Variants in FBXW4 observed in about 807,000 individuals in gnomAD.
The protein encoded by FBXW4 is F-box and WD repeat domain containing 4, also known as F-box/WD repeat-containing protein 4.
A neutral mutation model predicts 61.8 loss-of-function variants in FBXW4; 40 were observed. That is an observed-to-expected ratio of 0.65 (90% CI 0.50 to 0.84). The LOEUF (loss-of-function observed/expected upper bound fraction) is 0.84. Ranked by LOEUF, FBXW4 falls within the 40% of genes least tolerant of loss-of-function variation. The pLI, the probability that FBXW4 is intolerant of heterozygous loss-of-function variation, is 0.00. For missense variants in FBXW4, 672 were observed against 753.8 expected, an observed-to-expected ratio of 0.89 and a Z score of 1.27; for synonymous variants, 311 against 313.8, an observed-to-expected ratio of 0.99 and a Z score of 0.10.
intron 6 of FBXW4, among the ~76,000 whole-genome samples, chr10:101,617,995 C>T (rs1216412625): frequency 6.6e-6 from 1 of 152,228 alleles, no homozygotes; most frequent in African/African-American, 2.4e-5. Flanking sequence ...GGGCCAGGCC[C>T]CTGCACAAGG....
At chr10:101,630,233 C>T (rs184484399) in intron 5 of FBXW4, among the ~76,000 whole-genome samples, 4 of 152,288 alleles carry the variant, frequency 2.6e-5, no homozygotes, top group Admixed American at 2.0e-4. Context: ...TTATCTGAGC[C>T]TTATTACTCT....
At chr10:101,638,947 T>C (rs960036924) in intron 5 of FBXW4, among the ~76,000 whole-genome samples, 1 of 152,204 alleles carries the variant, frequency 6.6e-6, no homozygotes, top group Non-Finnish European at 1.5e-5. Flanking sequence ...TTATACACAG[T>C]AGGACTACAG....
chr10:101,667,744 T>G, intron 5 of FBXW4, 142 bp downstream of exon 5: 1 of 714,282 alleles, frequency 1.4e-6, no homozygotes, highest in South Asian at 1.7e-5. Context: ...AACTCAAATC[T>G]CTGGAGGATT....
intron 5 of FBXW4, chr10:101,660,066 G>A (rs190885586): frequency 1.0e-6 from 1 of 985,072 alleles, no homozygotes; most frequent in Non-Finnish European, 1.2e-6. Context: ...CCTGCCCCAT[G>A]GCCCAAAGGA....
Position 101,611,730 on chromosome 10 carries a change from G to A in FBXW4, c.1482C>T (p.Thr494=). ...TGCCATCTGTCTGCAGGCAGTACAG[G>A]GTGCTGTCGTGGGGCTCCTCCCACT... ...VMEWEEPHDS[T]LYCLQTDGNH... Residue 494 remains threonine (T), a synonymous_variant, in exon 8 of 9, where the codon ACC becomes ACT. Coordinates refer to ENST00000331272, the MANE Select transcript of FBXW4 (RefSeq NM_022039.4). The surrounding 1 kb of genome is among the most constrained non-coding windows in gnomAD (Gnocchi z 4.9). The A allele has an allele frequency of 6.2e-7, 1 of 1,614,148 alleles. No homozygotes were observed. The highest frequency in any genetic ancestry group is 8.5e-7 in the Non-Finnish European group (1 of 1,180,006).
chr10:101,644,236 A>G (rs1425996133), intron 5 of FBXW4, among the ~76,000 whole-genome samples: 1 of 152,160 alleles, frequency 6.6e-6, no homozygotes, highest in African/African-American at 2.4e-5. Context: ...TGCTCTGTGC[A>G]AGCCAAACAA....
intron 1 of FBXW4, among the ~76,000 whole-genome samples, chr10:101,689,570 C>T (rs992997581): frequency 2.6e-5 from 4 of 152,190 alleles, no homozygotes; most frequent in African/African-American, 9.7e-5. Context: ...AAGTGACTGT[C>T]CTCCCTGGGT....
At chr10:101,616,903 A>G (rs948030628) in intron 6 of FBXW4, among the ~76,000 whole-genome samples, 1 of 152,270 alleles carries the variant, frequency 6.6e-6, no homozygotes, top group South Asian at 2.1e-4. Flanking sequence ...AATGTCGTAT[A>G]GCAAGGAAAG....
chr10:101,638,429 T>C (rs1316626952), intron 5 of FBXW4, among the ~76,000 whole-genome samples: 1 of 151,254 alleles, frequency 6.6e-6, no homozygotes, highest in Non-Finnish European at 1.5e-5. Context: ...TGAAACTATA[T>C]GATATCTGCT....
intron 5 of FBXW4, among the ~76,000 whole-genome samples, chr10:101,639,826 T>C (rs897283470): frequency 1.3e-5 from 2 of 152,256 alleles, no homozygotes; most frequent in South Asian, 2.1e-4. Flanking sequence ...CTATGGCCTC[T>C]GGTTCAGCTA....
chr10:101,652,232 A>T (rs1328151203), intron 5 of FBXW4, among the ~76,000 whole-genome samples: 1 of 152,078 alleles, frequency 6.6e-6, no homozygotes, highest in African/African-American at 2.4e-5. Flanking sequence ...AAAAAAAAAA[A>T]GTTTTCAGAC....
chr10:101,673,752 C>T, intron 2 of FBXW4, 79 bp from the exon 3 acceptor site: 1 of 1,362,066 alleles, frequency 7.3e-7, no homozygotes, highest in South Asian at 1.3e-5. Context: ...AAGAAGCTGA[C>T]CAATCCCCAA....
At chr10:101,643,265 G>A (rs2064069188) in intron 5 of FBXW4, among the ~76,000 whole-genome samples, 1 of 152,212 alleles carries the variant, frequency 6.6e-6, no homozygotes, top group Non-Finnish European at 1.5e-5. Context: ...GGCCCAGTAG[G>A]TGGCTGCTGG....
At chr10:101,660,215 C>T in intron 5 of FBXW4, 2 of 984,970 alleles carry the variant, frequency 2.0e-6, no homozygotes, top group South Asian at 4.7e-5. Flanking sequence ...CTGACTATTA[C>T]ATCTTGTACC....
At chr10:101,640,354 C>A (rs1049224793) in intron 5 of FBXW4, among the ~76,000 whole-genome samples, 8 of 152,044 alleles carry the variant, frequency 5.3e-5, no homozygotes, top group Non-Finnish European at 1.0e-4. Flanking sequence ...AGATTTGGTC[C>A]CTTGAATCCC....
chr10:101,693,406 G>A (rs2064632747), intron 1 of FBXW4, among the ~76,000 whole-genome samples: 1 of 152,104 alleles, frequency 6.6e-6, no homozygotes, highest in Admixed American at 6.5e-5. Flanking sequence ...TTTAATAGTA[G>A]AGGGATGTTC....
chr10:101,675,444 G>A (rs1038068719), intron 2 of FBXW4, among the ~76,000 whole-genome samples: 3 of 152,090 alleles, frequency 2.0e-5, no homozygotes, highest in African/African-American at 7.2e-5. Flanking sequence ...AGCCCCAAAA[G>A]GCAAATGTGG....
intron 4 of FBXW4, among the ~76,000 whole-genome samples, chr10:101,668,456 G>A (rs2064327972): frequency 6.6e-6 from 1 of 152,186 alleles, no homozygotes; most frequent in South Asian, 2.1e-4. Context: ...AAAGAAACAT[G>A]CAAGGGAAGG....
At chr10:101,640,712 G>A (rs918592323) in intron 5 of FBXW4, among the ~76,000 whole-genome samples, 3 of 148,252 alleles carry the variant, frequency 2.0e-5, no homozygotes, top group African/African-American at 7.5e-5. Context: ...GGTCTCAAAT[G>A]GTCTCAAACT....
Sources: gnomAD v4.1 joint callset for allele counts (sites outside exome capture counted in the v4.1 genomes callset) on GRCh38, gnomAD v4.1.1 for gene constraint, Gnocchi (gnomAD v3.1) non-coding constraint, MANE v1.5 for transcripts, NCBI Gene and HGNC (gene_info 2026-07-23, HGNC 2026-07-21) for gene names.